Variants in ST7 observed in about 807,000 individuals in gnomAD.
The protein encoded by ST7 is suppressor of tumorigenicity 7 protein.
ST7 carries 28 observed loss-of-function variants against 78.7 expected under a neutral mutation model. That is an observed-to-expected ratio of 0.36 (90% CI 0.26 to 0.49). The LOEUF (loss-of-function observed/expected upper bound fraction) is 0.49. Ranked by LOEUF, ST7 falls within the 20% of genes least tolerant of loss-of-function variation. The probability of loss-of-function intolerance (pLI) is 0.99; values close to 1 mark genes in which losing one functional copy is unlikely to be tolerated. For synonymous variants in ST7, 247 were observed against 249.6 expected (o/e 0.99, Z 0.10); for missense variants, 418 against 696.0 (o/e 0.60, Z 4.49).
intron 1 of ST7, among the ~76,000 whole-genome samples, chr7:116,975,032 T>C (rs892503552): frequency 2.6e-5 from 4 of 152,214 alleles, no homozygotes; most frequent in Non-Finnish European, 4.4e-5. Flanking sequence ...GCTATTGCAT[T>C]AGTCCATTTT....
intron 1 of ST7, among the ~76,000 whole-genome samples, chr7:117,097,328 T>C (rs1004895995): frequency 2.1e-4 from 28 of 136,306 alleles, no homozygotes; most frequent in Admixed American, 1.2e-3. Flanking sequence ...TTCTGCTGGC[T>C]TTTTTTTTTT....
intron 10 of ST7, among the ~76,000 whole-genome samples, chr7:117,176,718 C>T (rs1808368917): frequency 6.6e-6 from 1 of 152,094 alleles, no homozygotes; most frequent in African/African-American, 2.4e-5. Context: ...TCTGGAGGTC[C>T]AATGAGTAAA....
chr7:117,098,748 G>C (rs1484211106), intron 1 of ST7: 56 of 1,294,996 alleles, frequency 4.3e-5, no homozygotes, highest in Non-Finnish European at 4.7e-5. Flanking sequence ...TCTAAAACCA[G>C]ACTGGATGTG....
intron 1 of ST7, among the ~76,000 whole-genome samples, chr7:117,041,769 T>G (rs1436473196): frequency 6.6e-6 from 1 of 152,202 alleles, no homozygotes; most frequent in Non-Finnish European, 1.5e-5. Context: ...TCTATGTCCA[T>G]GTCCTAATCT....
intron 10 of ST7, among the ~76,000 whole-genome samples, chr7:117,184,595 T>C (rs1017237009): frequency 1.4e-4 from 22 of 152,228 alleles, no homozygotes; most frequent in South Asian, 1.0e-3. Flanking sequence ...CAGAACAGAT[T>C]AGTGATCACC....
intron 1 of ST7, among the ~76,000 whole-genome samples, chr7:116,982,911 T>C (rs1277362075): frequency 6.6e-6 from 1 of 152,040 alleles, no homozygotes; most frequent in Non-Finnish European, 1.5e-5. Flanking sequence ...ATATTTTTTG[T>C]TTTTGAGATG....
intron 1 of ST7, among the ~76,000 whole-genome samples, chr7:117,066,400 A>G (rs1323235837): frequency 6.6e-6 from 1 of 152,200 alleles, no homozygotes; most frequent in Non-Finnish European, 1.5e-5. Context: ...AACCTGTAGC[A>G]ATGACTTTTT....
intron 9 of ST7, among the ~76,000 whole-genome samples, chr7:117,157,949 G>T (rs1806834292): frequency 6.6e-6 from 1 of 152,170 alleles, no homozygotes; most frequent in Admixed American, 6.5e-5. Context: ...CATCAGTTTT[G>T]AGGAGGTTAT....
intron 2 of ST7, among the ~76,000 whole-genome samples, chr7:117,108,076 A>G (rs1802123034): frequency 6.6e-6 from 1 of 152,104 alleles, no homozygotes; most frequent in East Asian, 1.9e-4. Context: ...TTTGCTGTGC[A>G]GAAGCTTTTT....
In ST7 at chr7:117,069,781, T is replaced by A. The variant is rs59703067; in HGVS notation, c.152-29981T>A. Among the ~76,000 whole-genome samples the A allele has an allele frequency of 5.1e-3, 778 of 152,300 alleles. 5 individuals carry two copies. The highest frequency in any genetic ancestry group is 0.018 in the African/African-American group (738 of 41,546). ...TTGAGCTTTGCTCCAGGTCCTACTG[T>A]ATATTTTAGGCTCTTCCCTTCAGTT... On this transcript the variant is annotated intron_variant, in intron 1 of 15. Transcript: ENST00000323984.
intron 1 of ST7, among the ~76,000 whole-genome samples, chr7:117,087,908 C>T (rs1800286155): frequency 6.6e-6 from 1 of 152,218 alleles, no homozygotes; most frequent in African/African-American, 2.4e-5. Context: ...ATTTTACACA[C>T]TCTACCCCAT....
intron 1 of ST7, among the ~76,000 whole-genome samples, chr7:117,042,320 A>G (rs1364219093): frequency 6.6e-6 from 1 of 152,222 alleles, no homozygotes; most frequent in Non-Finnish European, 1.5e-5. Context: ...AGTTTGGGCT[A>G]TTACAAGTCT....
chr7:116,956,551 C>T (rs1198461422), intron 1 of ST7: 1 of 471,198 alleles, frequency 2.1e-6, no homozygotes, highest in Non-Finnish European at 4.4e-6. Context: ...GCCAAAGACA[C>T]CATCACAATC....
chr7:117,169,317 G>A (rs980113419), intron 9 of ST7, among the ~76,000 whole-genome samples: 1 of 151,790 alleles, frequency 6.6e-6, no homozygotes, highest in Non-Finnish European at 1.5e-5. Flanking sequence ...TGTATTTTTA[G>A]TAGAGATGGG....
At chr7:117,205,957 AG>A (rs776943201) in intron 12 of ST7, among the ~76,000 whole-genome samples, 5 of 152,242 alleles carry the variant, frequency 3.3e-5, no homozygotes, top group Non-Finnish European at 4.4e-5. Flanking sequence ...ACTTGTGGAT[AG>A]GGATCTGCCC....
intron 13 of ST7, among the ~76,000 whole-genome samples, chr7:117,213,326 T>C (rs961344212): frequency 5.3e-5 from 8 of 152,170 alleles, no homozygotes; most frequent in African/African-American, 1.9e-4. Flanking sequence ...GAAAGAAAAT[T>C]CAGGGAAGAA....
chr7:117,092,228 A>G (rs998288949), intron 1 of ST7, among the ~76,000 whole-genome samples: 1 of 148,318 alleles, frequency 6.7e-6, no homozygotes, highest in African/African-American at 2.5e-5. Context: ...GCAGTGAGCC[A>G]AGATCACGCC....
chr7:117,169,223 C>A (rs566200967), intron 9 of ST7, among the ~76,000 whole-genome samples: 11 of 151,714 alleles, frequency 7.3e-5, no homozygotes, highest in African/African-American at 2.7e-4. Context: ...GCAACCTCCA[C>A]CTCCTGGGTT....
intron 2 of ST7, among the ~76,000 whole-genome samples, chr7:117,104,722 C>T (rs1476791746): frequency 1.3e-5 from 2 of 152,160 alleles, no homozygotes; most frequent in African/African-American, 4.8e-5. Context: ...AATTTAAGTA[C>T]CCATCAGTTG....
Sources: allele counts gnomAD v4.1 joint callset (sites outside exome capture counted in the v4.1 genomes callset), GRCh38; gene constraint gnomAD v4.1.1; transcripts MANE v1.5; gene names NCBI Gene and HGNC (gene_info 2026-07-23, HGNC 2026-07-21).